TMCC3: variants seen among roughly 807,000 people sequenced by gnomAD.
TMCC3 encodes the protein transmembrane and coiled-coil domain family 3.
TMCC3 carries 28 observed loss-of-function variants against 40.2 expected under a neutral mutation model. That is an observed-to-expected ratio of 0.70 (90% CI 0.52 to 0.95). TMCC3 has a LOEUF of 0.95. TMCC3 is among the 40% of genes least tolerant of loss of function. TMCC3 has a pLI of 0.00. For missense variants in TMCC3, 554 were observed against 615.2 expected (o/e 0.90, Z 1.05); for synonymous variants, 255 against 248.5 (o/e 1.03, Z -0.25).
intron 1 of TMCC3, among the ~76,000 whole-genome samples, chr12:94,583,024 A>T (rs891775972): frequency 4.7e-5 from 7 of 149,586 alleles, no homozygotes; most frequent in African/African-American, 1.7e-4. Context: ...AAATAGGGAA[A>T]AAGATACGAG....
At chr12:94,587,189 G>A (rs925514000) in intron 1 of TMCC3, among the ~76,000 whole-genome samples, 5 of 152,216 alleles carry the variant, frequency 3.3e-5, no homozygotes, top group African/African-American at 1.2e-4. Context: ...ACGCAGGAAG[G>A]ACAAAGGTTT....
chr12:94,577,828 T>C (rs371073293), intron 3 of TMCC3, among the ~76,000 whole-genome samples: 47 of 152,182 alleles, frequency 3.1e-4, no homozygotes, highest in African/African-American at 1.1e-3. Flanking sequence ...TACTTGTTCA[T>C]TGATTTAGGC....
chr12:94,637,737 A>G (rs1449544409), intron 1 of TMCC3, among the ~76,000 whole-genome samples: 1 of 152,264 alleles, frequency 6.6e-6, no homozygotes, highest in African/African-American at 2.4e-5. Context: ...AAAATGGTTA[A>G]ATAAATGATG....
chr12:94,584,777 A>T (rs2068628251), intron 1 of TMCC3, among the ~76,000 whole-genome samples: 1 of 152,146 alleles, frequency 6.6e-6, no homozygotes, highest in Admixed American at 6.6e-5. Flanking sequence ...GCTGGAGGGA[A>T]ATAAATGCCC....
intron 1 of TMCC3, among the ~76,000 whole-genome samples, chr12:94,648,063 C>G (rs186410925): frequency 6.6e-6 from 1 of 152,112 alleles, no homozygotes; most frequent in Non-Finnish European, 1.5e-5. Context: ...CTCTGATTTC[C>G]TCTCTTCACT....
intron 1 of TMCC3, among the ~76,000 whole-genome samples, chr12:94,590,180 CA>C (rs2068664474): frequency 6.8e-6 from 1 of 146,706 alleles, no homozygotes; most frequent in African/African-American, 2.5e-5. Context: ...CCGCTCACTG[CA>C]AATTCCAATG....
chr12:94,571,678 C>G lies in TMCC3; in HGVS notation c.1191G>C (p.Gln397His), dbSNP rs1205098817. 1 of 1,614,228 alleles carries G rather than the reference C, an allele frequency of 6.2e-7. No homozygotes were observed. The highest frequency in any genetic ancestry group is 1.1e-5 in the South Asian group (1 of 91,082). The change falls in exon 4 of 4, where the codon CAG (glutamine) becomes CAC (histidine). Residue 397 changes from glutamine to histidine, a missense_variant. Gln to His is a conservative substitution (Grantham distance 24). Coordinates refer to ENST00000261226, the MANE Select transcript of TMCC3 (RefSeq NM_020698.4). ...TCACGGTGTCTGTCTGCAGAGCTTG[C>G]TGCTCTTGCTGGTGGAGCTCCAGCT... is the stretch of plus-strand genomic sequence containing the variant. Reference protein sequence around the residue: ...ISKLELHQQEQQALQTDTVNA... With the variant: ...ISKLELHQQEHQALQTDTVNA...
chr12:94,616,532 A>T (rs2068848802), intron 1 of TMCC3: 2 of 152,336 alleles, frequency 1.3e-5, no homozygotes, highest in African/African-American at 4.8e-5. Context: ...TCCTAGTGTC[A>T]GGCGCAGCGA....
rs369917530 is a variant in TMCC3 at position 94,612,902 on chromosome 12, C to A, written c.79-30364G>T. 3.3e-5 allele frequency among the ~76,000 whole-genome samples: 5 copies of A among 152,240 alleles called. No individual in the cohort carries two copies. The East Asian group carries it at 7.7e-4, about 24-fold the overall frequency. On this transcript the variant is annotated intron_variant, in intron 1 of 3. Coordinates refer to ENST00000261226, the MANE Select transcript of TMCC3 (RefSeq NM_020698.4). ...GCATCCCCTAGAGACCCAGAAATTCCATTTGTAGGTTAGAGGAGCAAGTGC... is the reference window on the plus strand; with the variant it reads ...GCATCCCCTAGAGACCCAGAAATTCAATTTGTAGGTTAGAGGAGCAAGTGC...
intron 1 of TMCC3, among the ~76,000 whole-genome samples, chr12:94,587,710 T>G (rs2068646279): frequency 6.6e-6 from 1 of 152,216 alleles, no homozygotes; most frequent in Non-Finnish European, 1.5e-5. Flanking sequence ...TAAATTCAAT[T>G]TCATTTAAAA....
At chr12:94,603,953 T>G in intron 1 of TMCC3, among the ~76,000 whole-genome samples, 1 of 152,204 alleles carries the variant, frequency 6.6e-6, no homozygotes, top group Non-Finnish European at 1.5e-5. Context: ...CATGTCAACC[T>G]GTAATGCATT....
At position 94,582,173 on chromosome 12, in the gene TMCC3, G is replaced by C. The variant is rs1441494241; in HGVS notation, c.444C>G (p.Ala148=). 4 of 1,614,100 alleles carry C rather than the reference G, an allele frequency of 2.5e-6. No homozygotes were observed. The highest frequency in any genetic ancestry group is 2.5e-6 in the Non-Finnish European group (3 of 1,180,022). ...TGGAAATGTCCTTTGAGCTCCTAGA[G>C]GCTCCATTCTGCTCGATCTCTCTGA... is the stretch of plus-strand genomic sequence containing the variant. ...RKLREIEQNG[A]SRSSKDISKD... The change falls in exon 2 of 4, where the codon GCC becomes GCG. Residue 148 remains alanine (A), a synonymous_variant. Coordinates refer to ENST00000261226, the MANE Select transcript of TMCC3 (RefSeq NM_020698.4).
chr12:94,648,172 T>C (rs1594303671), intron 1 of TMCC3, among the ~76,000 whole-genome samples: 3 of 152,334 alleles, frequency 2.0e-5, no homozygotes, highest in South Asian at 4.1e-4. Context: ...GGTATCTCCA[T>C]GCTAACAATA....
intron 1 of TMCC3, among the ~76,000 whole-genome samples, chr12:94,611,439 C>T (rs1261104062): frequency 6.6e-5 from 10 of 152,086 alleles, no homozygotes; most frequent in Admixed American, 6.6e-4. Context: ...AACTGGGTTG[C>T]CCAAGGCTCA....
chr12:94,630,855 A>G (rs1238122283), intron 1 of TMCC3, among the ~76,000 whole-genome samples: 1 of 152,076 alleles, frequency 6.6e-6, no homozygotes, highest in Non-Finnish European at 1.5e-5. Context: ...TGGCTTCCCA[A>G]GTTGCTGGGA....
intron 3 of TMCC3, among the ~76,000 whole-genome samples, chr12:94,576,828 C>T (rs149670923): frequency 3.9e-4 from 60 of 152,192 alleles, no homozygotes; most frequent in Middle Eastern, 3.4e-3. Context: ...TGTTTCACTA[C>T]GTGCTAGGAT....
chr12:94,645,605 T>A (rs886710199), intron 1 of TMCC3, among the ~76,000 whole-genome samples: 1 of 151,998 alleles, frequency 6.6e-6, no homozygotes, highest in Admixed American at 6.6e-5. Flanking sequence ...GCCGAGCTAA[T>A]TTTTTTGTAT....
chr12:94,627,331 C>G (rs934533996), intron 1 of TMCC3, among the ~76,000 whole-genome samples: 2 of 152,218 alleles, frequency 1.3e-5, no homozygotes, highest in Non-Finnish European at 2.9e-5. Context: ...GGCTTTACCA[C>G]AGCCTGCATT....
At position 94,603,948 on chromosome 12, in the gene TMCC3, C is replaced by T. The variant is rs113395346; in HGVS notation, c.79-21410G>A. On this transcript the variant is annotated intron_variant, in intron 1 of 3. Coordinates refer to ENST00000261226, the MANE Select transcript of TMCC3 (RefSeq NM_020698.4). ...AACCACTTAAATTTCATTAGCATGT[C>T]AACCTGTAATGCATTTTGTCAGCTC... is the stretch of plus-strand genomic sequence containing the variant. Among the ~76,000 whole-genome samples the T allele has an allele frequency of 4.9e-3, 747 of 152,194 alleles. 5 individuals are homozygous for T. Among genetic ancestry groups the T allele is most frequent in the African/African-American group, 0.017 (701 of 41,508 alleles).
Sources: allele counts gnomAD v4.1 joint callset (sites outside exome capture counted in the v4.1 genomes callset), GRCh38; gene constraint gnomAD v4.1.1; transcripts MANE v1.5; gene names NCBI Gene and HGNC (gene_info 2026-07-23, HGNC 2026-07-21).